FOXN3: variants seen among roughly 807,000 people sequenced by gnomAD.
FOXN3 encodes forkhead box N3, also known as forkhead box protein N3.
In FOXN3, 7 loss-of-function variants were observed where a neutral mutation model predicts 38.4. The observed-to-expected ratio is 0.18, with a 90% CI of 0.10 to 0.34. FOXN3 has a LOEUF of 0.34. Among genes scored for constraint, FOXN3 ranks in the 10% least tolerant of loss-of-function variants. FOXN3 has a pLI of 1.00. For missense variants in FOXN3, 456 were observed against 613.4 expected (o/e 0.74, Z 2.71); for synonymous variants, 230 against 242.2 (o/e 0.95, Z 0.47).
intron 3 of FOXN3, among the ~76,000 whole-genome samples, chr14:89,340,794 G>A (rs553387510): frequency 4.1e-4 from 63 of 152,124 alleles, no homozygotes; most frequent in Non-Finnish European, 2.5e-4. Flanking sequence ...TCACACGGAA[G>A]GAAATGCAAA....
At chr14:89,249,371 C>T (rs1885387705) in intron 4 of FOXN3, among the ~76,000 whole-genome samples, 1 of 152,188 alleles carries the variant, frequency 6.6e-6, no homozygotes, top group Non-Finnish European at 1.5e-5. Flanking sequence ...AGCTTCTCAG[C>T]TGAGTAACTC....
At chr14:89,330,974 A>G (rs965981124) in intron 3 of FOXN3, among the ~76,000 whole-genome samples, 22 of 152,342 alleles carry the variant, frequency 1.4e-4, no homozygotes, top group African/African-American at 5.1e-4. Context: ...GTCTGTCTAC[A>G]AGAAATGCTA....
intron 2 of FOXN3, among the ~76,000 whole-genome samples, chr14:89,351,635 C>T (rs573970860): frequency 4.1e-4 from 62 of 152,326 alleles, no homozygotes; most frequent in African/African-American, 1.3e-3. Context: ...GGCAGCAGGC[C>T]GACGGGCAAT....
intron 2 of FOXN3, among the ~76,000 whole-genome samples, chr14:89,383,473 A>G (rs1313199648): frequency 1.3e-5 from 2 of 152,220 alleles, no homozygotes; most frequent in Non-Finnish European, 2.9e-5. Context: ...ACAAATTAAC[A>G]CAAACTTGGT....
At chr14:89,450,742 C>T (rs1249887366) in intron 1 of FOXN3, among the ~76,000 whole-genome samples, 2 of 152,130 alleles carry the variant, frequency 1.3e-5, no homozygotes, top group Non-Finnish European at 2.9e-5. Flanking sequence ...CCCACAACCA[C>T]ACCTGGCTAA....
chr14:89,464,576 T>A (rs1212276075), intron 1 of FOXN3, among the ~76,000 whole-genome samples: 4 of 152,158 alleles, frequency 2.6e-5, no homozygotes, highest in Non-Finnish European at 5.9e-5. Flanking sequence ...TTTGGCTGTG[T>A]CCCCACCCAA....
intron 2 of FOXN3, among the ~76,000 whole-genome samples, chr14:89,402,004 C>T (rs980510174): frequency 6.6e-6 from 1 of 152,182 alleles, no homozygotes; most frequent in African/African-American, 2.4e-5. Flanking sequence ...CACACACACA[C>T]ATACACAAAT....
chr14:89,328,016 G>A (rs1301880484), intron 3 of FOXN3, among the ~76,000 whole-genome samples: 1 of 152,220 alleles, frequency 6.6e-6, no homozygotes, highest in Non-Finnish European at 1.5e-5. Flanking sequence ...CCAGACCACA[G>A]GCTAATGCCT....
Position 89,284,891 on chromosome 14 carries a change from C to T in FOXN3, c.681-3877G>A, listed in dbSNP as rs1029097660. 3.9e-5 allele frequency among the ~76,000 whole-genome samples: 6 copies of T among 152,170 alleles called. No individual in the cohort carries two copies. In the East Asian group the frequency reaches 5.8e-4, roughly 15 times the overall value. On this transcript the variant is annotated intron_variant, in intron 3 of 5. Coordinates refer to ENST00000557258, the MANE Select transcript of FOXN3 (RefSeq NM_005197.4). Reference sequence around the variant, plus strand: ...GTGATACCATCCTGAACAGCATACCCGGCGGCTGCCAGAGACTCAGCCCTC... The same window carrying T: ...GTGATACCATCCTGAACAGCATACCTGGCGGCTGCCAGAGACTCAGCCCTC...
intron 4 of FOXN3, among the ~76,000 whole-genome samples, chr14:89,258,876 T>A (rs1026704220): frequency 9.2e-5 from 14 of 152,256 alleles, no homozygotes; most frequent in African/African-American, 3.1e-4. Flanking sequence ...CCTCTTTCCT[T>A]ACTAGGCTCA....
chr14:89,533,653 C>T (rs1164455189), intron 1 of FOXN3, among the ~76,000 whole-genome samples: 3 of 88,444 alleles, frequency 3.4e-5, no homozygotes, highest in Non-Finnish European at 5.8e-5. Flanking sequence ...CAGAGGGAGA[C>T]TCTGTCTCAA....
intron 4 of FOXN3, among the ~76,000 whole-genome samples, chr14:89,218,386 T>A (rs1292390415): frequency 1.3e-5 from 2 of 152,238 alleles, no homozygotes; most frequent in East Asian, 3.9e-4. Context: ...GGTCACCCAA[T>A]CCTATTCCCT....
intron 1 of FOXN3, among the ~76,000 whole-genome samples, chr14:89,496,605 T>C (rs985559748): frequency 2.0e-5 from 3 of 152,114 alleles, no homozygotes; most frequent in African/African-American, 7.2e-5. Flanking sequence ...ATGCTGGCTG[T>C]CATCCCCCTA....
intron 1 of FOXN3, among the ~76,000 whole-genome samples, chr14:89,569,952 T>C (rs1461262129): frequency 2.0e-5 from 3 of 151,790 alleles, no homozygotes; most frequent in Non-Finnish European, 2.9e-5. Flanking sequence ...CAAGGCTTAC[T>C]TACTCACCTG....
At chr14:89,302,494 A>C (rs2139948077) in intron 3 of FOXN3, among the ~76,000 whole-genome samples, 1 of 152,246 alleles carries the variant, frequency 6.6e-6, no homozygotes, top group Admixed American at 6.5e-5. Flanking sequence ...AGAGGACCAC[A>C]CAATTGAAGC....
At chr14:89,169,508 TACACAC>T (rs56217837) in intron 5 of FOXN3, among the ~76,000 whole-genome samples, 11 of 150,130 alleles carry the variant, frequency 7.3e-5, no homozygotes, top group African/African-American at 2.7e-4. Flanking sequence ...ACTAAGTGGT[TACACAC>T]ACACACACAC....
chr14:89,333,184 C>T (rs1211419211), intron 3 of FOXN3: 1 of 161,472 alleles, frequency 6.2e-6, no homozygotes, highest in East Asian at 1.9e-4. Context: ...AATCCCAGCA[C>T]TTGGGAAGCC....
At position 89,516,270 on chromosome 14, in the gene FOXN3, G is replaced by C. The variant is rs117681529; in HGVS notation, c.-15+102758C>G. ...TAGAAAAAAATGGGATCTGGCTAAAGTTTCTCCTCTCTGCTTTCTCAGTTA... is the reference window on the plus strand; with the variant it reads ...TAGAAAAAAATGGGATCTGGCTAAACTTTCTCCTCTCTGCTTTCTCAGTTA... On this transcript the variant is annotated intron_variant, in intron 1 of 6. Coordinates refer to the FOXN3 transcript ENST00000345097. 2.0e-5 allele frequency among the ~76,000 whole-genome samples: 3 copies of C among 152,222 alleles called. No homozygotes were observed. The East Asian group carries it at 5.8e-4, about 29-fold the overall frequency.
At chr14:89,420,743 A>G (rs2140106090), upstream of FOXN3, among the ~76,000 whole-genome samples, 1 of 152,288 alleles carries the variant, frequency 6.6e-6, no homozygotes, top group East Asian at 1.9e-4. Context: ...GAGCACACAG[A>G]TTAGTGGGTA....
Sources: allele counts gnomAD v4.1 joint callset (sites outside exome capture counted in the v4.1 genomes callset), GRCh38; gene constraint gnomAD v4.1.1; transcripts MANE v1.5; gene names NCBI Gene and HGNC (gene_info 2026-07-23, HGNC 2026-07-21).